AUTS2: variants seen among roughly 807,000 people sequenced by gnomAD.
The protein encoded by AUTS2 is activator of transcription and developmental regulator AUTS2.
AUTS2 carries 17 observed loss-of-function variants against 112.4 expected under a neutral mutation model. That is an observed-to-expected ratio of 0.15 (90% confidence interval 0.10 to 0.23). The LOEUF is 0.23. Ranked by LOEUF, AUTS2 falls within the 10% of genes least tolerant of loss-of-function variation. The pLI, the probability that AUTS2 is intolerant of heterozygous loss-of-function variation, is 1.00. For missense variants in AUTS2, 1,510 were observed against 1,701.6 expected, an observed-to-expected ratio of 0.89 and a Z score of 1.98; for synonymous variants, 751 against 702.7, an observed-to-expected ratio of 1.07 and a Z score of -1.09.
At chr7:69,681,236 A>G (rs552566398) in intron 1 of AUTS2, among the ~76,000 whole-genome samples, 1 of 152,296 alleles carries the variant, frequency 6.6e-6, no homozygotes, top group Admixed American at 6.5e-5. Context: ...ATTTCTCTTC[A>G]AGATCCTGCT....
At chr7:70,303,805 G>A (rs899721631) in intron 4 of AUTS2, among the ~76,000 whole-genome samples, 1 of 152,102 alleles carries the variant, frequency 6.6e-6, no homozygotes, top group African/African-American at 2.4e-5. Context: ...ACCCCTCCCA[G>A]AGCAAGAACT....
At chr7:70,150,108 C>T (rs1807346200) in intron 4 of AUTS2, among the ~76,000 whole-genome samples, 1 of 152,018 alleles carries the variant, frequency 6.6e-6, no homozygotes, top group Non-Finnish European at 1.5e-5. Flanking sequence ...AACTTGAGTT[C>T]ATAAAATGTT....
At chr7:70,689,205 T>A (rs547502086) in intron 5 of AUTS2, among the ~76,000 whole-genome samples, 22 of 151,952 alleles carry the variant, frequency 1.4e-4, no homozygotes, top group South Asian at 6.2e-4. Context: ...AAAAAATTTT[T>A]AAAAAATTAG....
chr7:70,750,238 G>T (rs6460553), intron 6 of AUTS2, among the ~76,000 whole-genome samples: 52,916 of 152,026 alleles, frequency 0.35, 11,993 homozygotes, highest in African/African-American at 0.64. Flanking sequence ...CACAGGGATA[G>T]TGCATGGTAC....
At chr7:70,495,235 T>TAAA (rs34861688) in intron 5 of AUTS2, among the ~76,000 whole-genome samples, 54 of 102,746 alleles carry the variant, frequency 5.3e-4, no homozygotes, top group Non-Finnish European at 9.6e-4. Flanking sequence ...ACCTTTTCTT[T>TAAA]AAAAAAAAAA....
intron 2 of AUTS2, among the ~76,000 whole-genome samples, chr7:70,109,772 C>T (rs1047568844): frequency 9.9e-5 from 15 of 152,266 alleles, no homozygotes; most frequent in Admixed American, 6.5e-4. Flanking sequence ...TATTATGGGG[C>T]ATGTCCGGTC....
intron 5 of AUTS2, among the ~76,000 whole-genome samples, chr7:70,488,441 G>A (rs76781091): frequency 0.042 from 6,439 of 152,176 alleles, 238 homozygotes; most frequent in African/African-American, 0.097. Flanking sequence ...GCTTGGAGCT[G>A]TCCTCATTTT....
chr7:70,613,267 G>GTA (rs1194782546), intron 5 of AUTS2, among the ~76,000 whole-genome samples: 1 of 140,900 alleles, frequency 7.1e-6, no homozygotes, highest in Non-Finnish European at 1.5e-5. Context: ...GTGTGTGTGT[G>GTA]TATTTTTTGC....
chr7:70,622,781 C>T (rs893667637), intron 5 of AUTS2, among the ~76,000 whole-genome samples: 1 of 152,198 alleles, frequency 6.6e-6, no homozygotes, highest in East Asian at 1.9e-4. Context: ...ACACGTCTTT[C>T]ATCGGCCTTT....
intron 2 of AUTS2, among the ~76,000 whole-genome samples, chr7:70,083,128 T>G (rs1451138246): frequency 6.6e-6 from 1 of 152,144 alleles, no homozygotes; most frequent in Non-Finnish European, 1.5e-5. Context: ...GGCCCTCTCT[T>G]TCCCTGATGA....
At chr7:70,001,343 C>G (rs979047647) in intron 2 of AUTS2, among the ~76,000 whole-genome samples, 6 of 152,058 alleles carry the variant, frequency 3.9e-5, no homozygotes, top group Admixed American at 2.0e-4. Context: ...CCAGGCTGGT[C>G]TCGAACACGT....
rs529348578 is a variant in AUTS2, at chr7:70,788,236, A to G, written c.2531+805A>G. Reference sequence around the variant, plus strand: ...AAATACCTAATCCCAATTTCCTTGCAGTATTTAAGATTCAAATTTGATCCG... The same window carrying G: ...AAATACCTAATCCCAATTTCCTTGCGGTATTTAAGATTCAAATTTGATCCG... On this transcript the variant is annotated intron_variant, in intron 18 of 18. Coordinates refer to ENST00000342771, the MANE Select transcript of AUTS2 (RefSeq NM_015570.4). Among the ~76,000 whole-genome samples, 4 of 152,302 alleles carry G rather than the reference A, an allele frequency of 2.6e-5. No individual in the cohort carries two copies. The South Asian group carries it at 8.3e-4, about 32-fold the overall frequency.
chr7:70,724,599 C>T (rs1014433083), intron 6 of AUTS2, among the ~76,000 whole-genome samples: 4 of 152,048 alleles, frequency 2.6e-5, no homozygotes, highest in Non-Finnish European at 5.9e-5. Flanking sequence ...GCGTCTACCA[C>T]CACGCCCGGC....
chr7:70,173,142 G>T (rs919679367), intron 4 of AUTS2, among the ~76,000 whole-genome samples: 1 of 152,090 alleles, frequency 6.6e-6, no homozygotes, highest in Non-Finnish European at 1.5e-5. Context: ...ACTTTGGGAG[G>T]CCGAGGTAGG....
At chr7:69,689,756 C>T (rs1223891964) in intron 1 of AUTS2, among the ~76,000 whole-genome samples, 1 of 151,668 alleles carries the variant, frequency 6.6e-6, no homozygotes, top group Non-Finnish European at 1.5e-5. Context: ...TGACTCACTG[C>T]AACCTCTATC....
chr7:70,152,579 A>G (rs1382729951), intron 4 of AUTS2, among the ~76,000 whole-genome samples: 1 of 152,146 alleles, frequency 6.6e-6, no homozygotes, highest in Non-Finnish European at 1.5e-5. Context: ...ACAGGCTAGG[A>G]GAACAGTTTT....
intron 6 of AUTS2, among the ~76,000 whole-genome samples, chr7:70,728,640 G>A (rs1459130065): frequency 2.6e-5 from 4 of 151,190 alleles, no homozygotes; most frequent in East Asian, 3.9e-4. Flanking sequence ...CCTGGGAGGC[G>A]GAGGTTGCAG....
chr7:70,645,070 GATA>G (rs1367900998), intron 5 of AUTS2, among the ~76,000 whole-genome samples: 1 of 152,184 alleles, frequency 6.6e-6, no homozygotes, highest in Non-Finnish European at 1.5e-5. Context: ...CTATTACCAA[GATA>G]ATTGAGTTGG....
At chr7:69,945,915 C>A (rs1273520831) in intron 2 of AUTS2, among the ~76,000 whole-genome samples, 1 of 152,124 alleles carries the variant, frequency 6.6e-6, no homozygotes, top group Non-Finnish European at 1.5e-5. Context: ...TGGCTCACGG[C>A]AGCCTTGACT....
Sources: allele counts gnomAD v4.1 joint callset (sites outside exome capture counted in the v4.1 genomes callset), GRCh38; gene constraint gnomAD v4.1.1; transcripts MANE v1.5; gene names NCBI Gene and HGNC (gene_info 2026-07-23, HGNC 2026-07-21).